C11orf65: variants seen among roughly 807,000 people sequenced by gnomAD.
C11orf65 encodes protein MFI.
In C11orf65, 38 loss-of-function variants were observed where a neutral mutation model predicts 35.3. That is an observed-to-expected ratio of 1.08 (90% CI 0.83 to 1.41). C11orf65 has a LOEUF of 1.41. Ranked by LOEUF, C11orf65 falls within the 40% of genes most tolerant of loss-of-function variation. The pLI, the probability that C11orf65 is intolerant of heterozygous loss-of-function variation, is 0.00. For missense variants in C11orf65, 370 were observed against 367.1 expected, an observed-to-expected ratio of 1.01 and a Z score of -0.06; for synonymous variants, 105 against 114.4, an observed-to-expected ratio of 0.92 and a Z score of 0.53.
Position 108,369,207 on chromosome 11 carries a change from A to G in C11orf65, c.226+24001T>C, listed in dbSNP as rs143176778. On this transcript the variant is annotated intron_variant, in intron 2 of 3. Coordinates refer to the C11orf65 transcript ENST00000524755. ...TGAGCAAGGCAGGCATAGTCTGCCT[A>G]TATAAAGCTCCCAATCTGAGGAGGA... 5.1e-3 allele frequency: 792 copies of G among 155,004 alleles called. 4 individuals carry two copies. The highest frequency in any genetic ancestry group is 0.017 in the African/African-American group (709 of 41,674). 9.6% of individuals were successfully genotyped at this position (155,004 alleles called of 1,614,324 possible).
At chr11:108,344,698 T>C (rs907334186) in intron 2 of C11orf65, among the ~76,000 whole-genome samples, 1 of 152,022 alleles carries the variant, frequency 6.6e-6, no homozygotes, top group East Asian at 1.9e-4. Context: ...TAGGATTTGA[T>C]TGCTGATTAA....
intron 6 of C11orf65, among the ~76,000 whole-genome samples, chr11:108,311,704 A>C (rs76450177): frequency 4.2e-5 from 6 of 144,308 alleles, no homozygotes; most frequent in Non-Finnish European, 6.1e-5. Context: ...TCTCATAAAC[A>C]AAAAAAAAAA....
At chr11:108,407,719 T>C (rs1042922422) in intron 3 of C11orf65, among the ~76,000 whole-genome samples, 6 of 149,868 alleles carry the variant, frequency 4.0e-5, no homozygotes, top group Admixed American at 4.0e-4. Context: ...CCGAGGTGGG[T>C]GGATAATGAG....
chr11:108,389,503 C>G (rs2092095088), intron 7 of C11orf65, among the ~76,000 whole-genome samples: 1 of 152,122 alleles, frequency 6.6e-6, no homozygotes, highest in African/African-American at 2.4e-5. Context: ...TGAGTATCCT[C>G]AACTCAGAAG....
rs538631648 is a variant in C11orf65, at chr11:108,416,145, G to A, written c.175-8996C>T. Among the ~76,000 whole-genome samples the A allele has an allele frequency of 3.3e-5, 5 of 152,178 alleles. No individual in the cohort carries two copies. The East Asian group carries it at 9.7e-4, about 29-fold the overall frequency. Reference sequence around the variant, plus strand: ...AGTTGTACTCAATGAAAGACATTAAGATAATGAAAAGACAGGTCATAAACT... The same window carrying A: ...AGTTGTACTCAATGAAAGACATTAAAATAATGAAAAGACAGGTCATAAACT... On this transcript the variant is annotated intron_variant, in intron 3 of 8. Coordinates refer to ENST00000393084, the MANE Select transcript of C11orf65 (RefSeq NM_152587.5).
intron 8 of C11orf65, among the ~76,000 whole-genome samples, chr11:108,383,474 A>G (rs1426891394): frequency 6.6e-6 from 1 of 152,202 alleles, no homozygotes; most frequent in African/African-American, 2.4e-5. Context: ...CATCTGTAAA[A>G]TGGGGATAAT....
At chr11:108,342,332 C>T (rs989233216) in intron 2 of C11orf65, among the ~76,000 whole-genome samples, 2 of 152,034 alleles carry the variant, frequency 1.3e-5, no homozygotes, top group Non-Finnish European at 2.9e-5. Flanking sequence ...TAGTATATAG[C>T]TGTTAAAATG....
At chr11:108,422,534 ATAG>A (rs1440385592) in intron 3 of C11orf65, among the ~76,000 whole-genome samples, 21 of 152,158 alleles carry the variant, frequency 1.4e-4, no homozygotes, top group Non-Finnish European at 1.5e-5. Flanking sequence ...TAGGGACAGG[ATAG>A]TATTTTCAAT....
intron 2 of C11orf65, among the ~76,000 whole-genome samples, chr11:108,435,129 C>T (rs923322653): frequency 6.6e-6 from 1 of 151,996 alleles, no homozygotes; most frequent in Non-Finnish European, 1.5e-5. Context: ...GGAAGTGGCT[C>T]CCTCTCAATA....
At chr11:108,452,058 GA>G (rs1342053020) in intron 2 of C11orf65, among the ~76,000 whole-genome samples, 1 of 152,102 alleles carries the variant, frequency 6.6e-6, no homozygotes, top group East Asian at 1.9e-4. Context: ...AACCCTAGAA[GA>G]AAACCTAGGC....
At chr11:108,354,933 C>T (rs566209535) in intron 2 of C11orf65, 2 of 1,424,100 alleles carry the variant, frequency 1.4e-6, no homozygotes, top group Non-Finnish European at 2.0e-6. Flanking sequence ...CTGTGTATCT[C>T]ATCAGGAAGT....
intron 2 of C11orf65, chr11:108,345,995 T>C (rs2137045893): frequency 6.7e-7 from 1 of 1,484,178 alleles, no homozygotes; most frequent in Middle Eastern, 1.7e-4. Flanking sequence ...TTCTACATTC[T>C]GAGTTGCAGG....
chr11:108,383,343 C>T (rs933554562), intron 8 of C11orf65, among the ~76,000 whole-genome samples, 168 bp from the exon 9 acceptor site: 4 of 152,202 alleles, frequency 2.6e-5, no homozygotes, highest in African/African-American at 7.2e-5. Flanking sequence ...CCCACTTTCA[C>T]TCCCACATAT....
intron 1 of C11orf65, among the ~76,000 whole-genome samples, chr11:108,464,194 T>G (rs749966710): frequency 6.6e-6 from 1 of 152,232 alleles, no homozygotes; most frequent in Non-Finnish European, 1.5e-5. Context: ...CCCAAAGTGC[T>G]AGCATTACAG....
At chr11:108,308,744 A>G (rs1409186711) in exon 7 of C11orf65, 1 of 413,554 alleles carries the variant, frequency 2.4e-6, no homozygotes, top group East Asian at 4.1e-5. Context: ...GCCTAAATGC[A>G]TTAATATCTT....
chr11:108,429,689 T>G (rs2092957828), intron 3 of C11orf65, among the ~76,000 whole-genome samples: 1 of 152,202 alleles, frequency 6.6e-6, no homozygotes. Flanking sequence ...GATATTTGTA[T>G]AACCATTTAT....
At chr11:108,310,010 G>A in intron 6 of C11orf65, 1 of 742,296 alleles carries the variant, frequency 1.3e-6, no homozygotes, top group East Asian at 2.8e-5. Context: ...ATCTTATAAT[G>A]TTTATAGGTA....
chr11:108,362,798 G>T, intron 2 of C11orf65, among the ~76,000 whole-genome samples: 1 of 123,538 alleles, frequency 8.1e-6, no homozygotes. Context: ...GGGGACTGTG[G>T]TGGGGTGGGG....
intron 2 of C11orf65, among the ~76,000 whole-genome samples, chr11:108,443,635 A>C (rs4255510): frequency 0.49 from 74,447 of 151,088 alleles, 19,003 homozygotes; most frequent in Middle Eastern, 0.67. Context: ...GACCACAGTG[A>C]CATCAAACTA....
Sources: allele counts gnomAD v4.1 joint callset (sites outside exome capture counted in the v4.1 genomes callset), GRCh38; gene constraint gnomAD v4.1.1; transcripts MANE v1.5; gene names NCBI Gene and HGNC (gene_info 2026-07-23, HGNC 2026-07-21).